The following RANBP3L variants were observed in gnomAD, a reference collection of about 807,000 sequenced individuals.
RANBP3L encodes ran-binding protein 3-like.
In RANBP3L, 56 loss-of-function variants were observed where a neutral mutation model predicts 67.2. That is an observed-to-expected ratio of 0.83 (90% CI 0.67 to 1.04). The LOEUF (loss-of-function observed/expected upper bound fraction) is 1.04. Ranked by LOEUF, RANBP3L falls within the 50% of genes least tolerant of loss-of-function variation. The probability of loss-of-function intolerance (pLI) is 0.00; values close to 1 mark genes in which losing one functional copy is unlikely to be tolerated. For missense variants in RANBP3L, 496 were observed against 535.5 expected, an observed-to-expected ratio of 0.93 and a Z score of 0.73; for synonymous variants, 164 against 181.4, an observed-to-expected ratio of 0.90 and a Z score of 0.77.
intron 4 of RANBP3L, 57 bp downstream of exon 4, chr5:36,269,333 A>G: frequency 9.7e-7 from 1 of 1,026,942 alleles, no homozygotes; most frequent in Non-Finnish European, 1.5e-6. Context: ...TTTCTCAGTA[A>G]TTTTGCATTC....
At chr5:36,299,147 C>T (rs1339864962) in intron 1 of RANBP3L, among the ~76,000 whole-genome samples, 2 of 152,102 alleles carry the variant, frequency 1.3e-5, no homozygotes, top group African/African-American at 2.4e-5. Flanking sequence ...TGCTATTTGT[C>T]CTTGAACATT....
chr5:36,261,828 A>T, intron 7 of RANBP3L, 111 bp downstream of exon 7: 2 of 527,686 alleles, frequency 3.8e-6, no homozygotes, highest in Non-Finnish European at 3.4e-6. Flanking sequence ...TCAAATGGGA[A>T]TCTTGGCAAT....
chr5:36,269,975 T>C lies in RANBP3L; in HGVS notation c.166A>G (p.Thr56Ala), dbSNP rs1750094758. 2 of 1,613,730 alleles carry C rather than the reference T, an allele frequency of 1.2e-6. No individual in the cohort carries two copies. Among genetic ancestry groups the C allele is most frequent in the East Asian group, 4.5e-5 (2 of 44,868 alleles). ...CCTGGTTCTGCTGCTTCATACAGGG[T>C]GTCTTCTGCAGGTCTCTGAAAGGAA... ...EQTFKRPAED[T>A]LYEAAEPECN... The change falls in exon 3 of 14, where the codon ACC becomes GCC. Residue 56 changes from threonine to alanine, a missense_variant. By Grantham distance (58) the Thr-to-Ala change is moderately conservative. Transcript: ENST00000296604.
intron 1 of RANBP3L, among the ~76,000 whole-genome samples, chr5:36,290,033 T>C (rs978879413): frequency 4.6e-5 from 7 of 152,184 alleles, no homozygotes; most frequent in Admixed American, 1.3e-4. Context: ...TAAATGTTTT[T>C]CATCAGGTTG....
intron 1 of RANBP3L, among the ~76,000 whole-genome samples, chr5:36,285,848 C>T (rs1398685495): frequency 1.3e-5 from 2 of 152,154 alleles, no homozygotes; most frequent in Non-Finnish European, 2.9e-5. Flanking sequence ...AAATTAATGG[C>T]ATTCAAGACC....
chr5:36,252,045 G>A (rs1049623789), intron 12 of RANBP3L, among the ~76,000 whole-genome samples: 2 of 151,982 alleles, frequency 1.3e-5, no homozygotes, highest in African/African-American at 4.8e-5. Context: ...CAATAAAGTT[G>A]GCATAACATT....
At chr5:36,259,877 A>G (rs1749248841) in intron 8 of RANBP3L, among the ~76,000 whole-genome samples, 1 of 152,192 alleles carries the variant, frequency 6.6e-6, no homozygotes, top group African/African-American at 2.4e-5. Flanking sequence ...TGGGGATCAG[A>G]GAAGCAGTTA....
At chr5:36,301,186 G>A in intron 1 of RANBP3L, 140 bp downstream of exon 1, 2 of 672,102 alleles carry the variant, frequency 3.0e-6, no homozygotes. Flanking sequence ...AAAATCAATA[G>A]TGAATCCAAG....
intron 1 of RANBP3L, among the ~76,000 whole-genome samples, chr5:36,290,876 C>T (rs1210166065): frequency 2.7e-5 from 4 of 149,728 alleles, no homozygotes; most frequent in African/African-American, 9.8e-5. Context: ...GGACTACAGG[C>T]ACATGCCACC....
intron 4 of RANBP3L, among the ~76,000 whole-genome samples, chr5:36,266,467 G>A (rs937473330): frequency 1.3e-5 from 2 of 152,072 alleles, no homozygotes; most frequent in Non-Finnish European, 2.9e-5. Flanking sequence ...TATAAATGTT[G>A]GGGTAGAATC....
chr5:36,278,242 C>G (rs1182752165), intron 1 of RANBP3L, among the ~76,000 whole-genome samples: 1 of 152,052 alleles, frequency 6.6e-6, no homozygotes, highest in Admixed American at 6.6e-5. Flanking sequence ...CATTTCTCTC[C>G]CATCTTTTTT....
intron 12 of RANBP3L, 21 bp downstream of exon 12, chr5:36,253,626 T>G: frequency 6.4e-7 from 1 of 1,556,848 alleles, no homozygotes; most frequent in East Asian, 2.2e-5. Flanking sequence ...TAATCTTCTA[T>G]CACTGAAATT....
chr5:36,255,357 T>A, intron 11 of RANBP3L, 113 bp downstream of exon 11: 1 of 1,029,880 alleles, frequency 9.7e-7, no homozygotes. Flanking sequence ...ACAGTCTGAT[T>A]TTTTGGTGTA....
chr5:36,278,075 G>T (rs1018824634), intron 1 of RANBP3L, among the ~76,000 whole-genome samples: 1 of 152,064 alleles, frequency 6.6e-6, no homozygotes, highest in African/African-American at 2.4e-5. Flanking sequence ...TGGGATTTAT[G>T]GGAGCTACAA....
At chr5:36,281,760 C>T (rs1750990651) in intron 1 of RANBP3L, among the ~76,000 whole-genome samples, 1 of 152,148 alleles carries the variant, frequency 6.6e-6, no homozygotes, top group Non-Finnish European at 1.5e-5. Context: ...AGGCAAGTGG[C>T]ATAGTGATCC....
chr5:36,271,516 G>A (rs1750211992), intron 1 of RANBP3L, among the ~76,000 whole-genome samples: 1 of 152,152 alleles, frequency 6.6e-6, no homozygotes, highest in Admixed American at 6.5e-5. Flanking sequence ...TGGGGGAAAT[G>A]ATAGCAGTAT....
intron 1 of RANBP3L, among the ~76,000 whole-genome samples, chr5:36,286,157 T>C (rs1751312663): frequency 6.6e-6 from 1 of 152,208 alleles, no homozygotes; most frequent in Non-Finnish European, 1.5e-5. Context: ...TCTGTCCATT[T>C]GGAAGAATTT....
chr5:36,257,511 C>T lies in RANBP3L; in HGVS notation c.715G>A (p.Ala239Thr). ...TQPQLENDSY[A>T]KEKPFKSIPK... The stretch of plus-strand genomic sequence containing the variant: ...ATGGATTTGAATGGTTTTTCCTTGG[C>T]ATATGAATCATTTTCAAGTTGAGGC... Residue 239 changes from alanine to threonine, a missense_variant, in exon 9 of 14, where the codon GCC becomes ACC. Coordinates refer to ENST00000296604, the MANE Select transcript of RANBP3L (RefSeq NM_145000.5). The T allele has an allele frequency of 6.3e-7, 1 of 1,598,276 alleles. No individual in the cohort carries two copies. Among genetic ancestry groups the T allele is most frequent in the Non-Finnish European group, 8.5e-7 (1 of 1,169,986 alleles).
chr5:36,271,748 T>C (rs1196494294), intron 1 of RANBP3L, among the ~76,000 whole-genome samples: 1 of 152,186 alleles, frequency 6.6e-6, no homozygotes, highest in East Asian at 1.9e-4. Flanking sequence ...CATTACAACC[T>C]TAAAATATCC....
Sources: allele counts gnomAD v4.1 joint callset (sites outside exome capture counted in the v4.1 genomes callset), GRCh38; gene constraint gnomAD v4.1.1; transcripts MANE v1.5; gene names NCBI Gene and HGNC (gene_info 2026-07-23, HGNC 2026-07-21).